Variants in CELF2 observed in about 807,000 individuals in gnomAD.
CELF2 encodes the protein CUGBP Elav-like family member 2, also known as CUG triplet repeat RNA-binding protein 2.
In CELF2, 8 loss-of-function variants were observed where a neutral mutation model predicts 62.6. The observed-to-expected ratio is 0.13, with a 90% confidence interval of 0.07 to 0.23. CELF2 has a LOEUF of 0.23. CELF2 is among the 10% of genes least tolerant of loss of function. CELF2 has a pLI of 1.00. For missense variants in CELF2, 333 were observed against 671.0 expected (o/e 0.50, Z 5.56); for synonymous variants, 258 against 250.0 (o/e 1.03, Z -0.30).
At chr10:10,796,223 C>T (rs1473123668), upstream of CELF2, among the ~76,000 whole-genome samples, 2 of 152,194 alleles carry the variant, frequency 1.3e-5, no homozygotes, top group African/African-American at 4.8e-5. Flanking sequence ...TCTTCATTTG[C>T]ATTAACAAAT....
At chr10:10,739,168 T>C in the CELF2 span, among the ~76,000 whole-genome samples, 1 of 152,202 alleles carries the variant, frequency 6.6e-6, no homozygotes, top group African/African-American at 2.4e-5. Flanking sequence ...TATGTTTATA[T>C]GTATTCATAT....
chr10:11,167,770 G>A (rs561349294), intron 2 of CELF2, among the ~76,000 whole-genome samples: 4 of 152,304 alleles, frequency 2.6e-5, no homozygotes, highest in South Asian at 2.1e-4. Context: ...TTTTGAGCAC[G>A]TGCTATGTAT....
chr10:10,600,209 G>T, the CELF2 span, among the ~76,000 whole-genome samples: 4 of 152,216 alleles, frequency 2.6e-5, no homozygotes, highest in African/African-American at 7.2e-5. Flanking sequence ...GAGGAAGCTG[G>T]TTTATGATTG....
chr10:10,924,724 C>CCTTTTT (rs1554884009), intron 2 of CELF2, among the ~76,000 whole-genome samples: 2 of 89,160 alleles, frequency 2.2e-5, no homozygotes, highest in East Asian at 6.9e-4. Context: ...AACTTGATCG[C>CCTTTTT]TTTTTTTTTT....
upstream of CELF2, among the ~76,000 whole-genome samples, chr10:11,004,126 T>C (rs2054808830): frequency 6.6e-6 from 1 of 152,216 alleles, no homozygotes; most frequent in Admixed American, 6.5e-5. This position sits in a 1 kb window ranked among gnomAD's most constrained non-coding sequence, Gnocchi z 5.0. Context: ...TGGAGTGTGT[T>C]CCAGATCTTC....
At chr10:10,748,502 A>C in the CELF2 span, among the ~76,000 whole-genome samples, 1 of 152,084 alleles carries the variant, frequency 6.6e-6, no homozygotes, top group African/African-American at 2.4e-5. Context: ...TAATCCCAGC[A>C]CTTTGGGAGG....
chr10:10,557,066 T>C, the CELF2 span, among the ~76,000 whole-genome samples: 6 of 148,730 alleles, frequency 4.0e-5, no homozygotes, highest in Non-Finnish European at 7.4e-5. Context: ...TTTTGTCTTT[T>C]GTTGCCATTG....
At chr10:11,029,806 T>A (rs1593488935) in intron 1 of CELF2, among the ~76,000 whole-genome samples, 1 of 152,232 alleles carries the variant, frequency 6.6e-6, no homozygotes, top group East Asian at 1.9e-4. Flanking sequence ...GCACTTTTTC[T>A]CTTATCAATG....
rs1253503559 is a variant in CELF2, at chr10:10,997,738, T to C, written c.89+77739T>C. Among the ~76,000 whole-genome samples the C allele has an allele frequency of 1.3e-5, 2 of 152,204 alleles. No homozygotes were observed. The highest frequency in any genetic ancestry group is 2.9e-5 in the Non-Finnish European group (2 of 68,028). On this transcript the variant is annotated intron_variant, in intron 2 of 13. Coordinates refer to the CELF2 transcript ENST00000636488. This position sits in a 1 kb window ranked among gnomAD's most constrained non-coding sequence, Gnocchi z 5.3. Reference sequence around the variant, plus strand: ...CACAAGCTGGACAAGTAGGCAGTGGTTGACAAAGAAAAGAACCTCCCTCAC... The same window carrying C: ...CACAAGCTGGACAAGTAGGCAGTGGCTGACAAAGAAAAGAACCTCCCTCAC...
the CELF2 span, among the ~76,000 whole-genome samples, chr10:10,526,841 C>T: frequency 6.6e-6 from 1 of 152,214 alleles, no homozygotes; most frequent in Non-Finnish European, 1.5e-5. Flanking sequence ...CCTTCTCTCC[C>T]TGGAGGTCAC....
chr10:10,648,922 T>A, the CELF2 span, among the ~76,000 whole-genome samples: 1 of 152,226 alleles, frequency 6.6e-6, no homozygotes, highest in East Asian at 1.9e-4. Flanking sequence ...CAGATGATGC[T>A]GTCGGCTATT....
At chr10:10,858,215 C>G (rs1451396347) in intron 1 of CELF2, among the ~76,000 whole-genome samples, 1 of 152,036 alleles carries the variant, frequency 6.6e-6, no homozygotes, top group African/African-American at 2.4e-5. Flanking sequence ...AAGAATTTCA[C>G]AAACACCAAG....
At chr10:11,235,083 C>G (rs2070651167) in intron 3 of CELF2, among the ~76,000 whole-genome samples, 1 of 152,188 alleles carries the variant, frequency 6.6e-6, no homozygotes, top group South Asian at 2.1e-4. Context: ...AGCATTCAAA[C>G]TCAGACCTTA....
intron 3 of CELF2, among the ~76,000 whole-genome samples, chr10:11,218,116 G>A (rs2063806965): frequency 6.6e-6 from 1 of 152,274 alleles, no homozygotes; most frequent in South Asian, 2.1e-4. Flanking sequence ...ATGAACTGAT[G>A]TTGCATGTAG....
At chr10:11,036,955 T>C (rs924807455) in intron 1 of CELF2, among the ~76,000 whole-genome samples, 1 of 152,232 alleles carries the variant, frequency 6.6e-6, no homozygotes, top group African/African-American at 2.4e-5. Flanking sequence ...TCTTCCAGCC[T>C]CCTGACTGTG....
At position 11,149,067 on chromosome 10, in the gene CELF2, C is replaced by G. The variant is rs374529189; in HGVS notation, c.75-16419C>G. On this transcript the variant is annotated intron_variant, in intron 1 of 12. Coordinates refer to ENST00000633077, the MANE Select transcript of CELF2 (RefSeq NM_001326342.2). ...CCTGCCACCACACTGGCATTATTGACAGGTGTTTTTTTTTCTTTCCCAAGT... is the reference window on the plus strand; with the variant it reads ...CCTGCCACCACACTGGCATTATTGAGAGGTGTTTTTTTTTCTTTCCCAAGT... 1.2e-4 allele frequency among the ~76,000 whole-genome samples: 19 copies of G among 152,226 alleles called. No individual in the cohort carries two copies. In the East Asian group the frequency reaches 3.1e-3, roughly 25 times the overall value.
intron 1 of CELF2, among the ~76,000 whole-genome samples, chr10:10,830,255 C>G (rs1590903913): frequency 7.4e-6 from 1 of 135,768 alleles, no homozygotes; most frequent in South Asian, 2.3e-4. Context: ...AAACTGTGAG[C>G]TATTGAATGC....
intron 9 of CELF2, among the ~76,000 whole-genome samples, chr10:11,291,837 GAGTT>G (rs1162484831): frequency 3.9e-5 from 6 of 152,198 alleles, no homozygotes; most frequent in Admixed American, 2.6e-4. Context: ...GCTTGCAAAT[GAGTT>G]AGTTTTGTCT....
rs538529144 is a variant in CELF2 at position 11,143,473 on chromosome 10, AC to A, written c.75-22010del. On this transcript the variant is annotated intron_variant, in intron 1 of 12. Transcript: ENST00000633077. ...AGTTCCGGTTTTGTCTGACTGACGG[AC>A]CCTTCCAGGCCAGACAGTTGCTGCC... Among the ~76,000 whole-genome samples the A allele has an allele frequency of 2.6e-5, 4 of 152,150 alleles. No individual in the cohort carries two copies. In the South Asian group the frequency reaches 8.3e-4, roughly 32 times the overall value.
Sources: allele counts gnomAD v4.1 joint callset (sites outside exome capture counted in the v4.1 genomes callset), GRCh38; gene constraint gnomAD v4.1.1; non-coding constraint Gnocchi (gnomAD v3.1); transcripts MANE v1.5; gene names NCBI Gene and HGNC (gene_info 2026-07-23, HGNC 2026-07-21).